Variants in C12orf54 observed in about 807,000 individuals in gnomAD.
C12orf54 encodes uncharacterized protein C12orf54.
A neutral mutation model predicts 26.4 loss-of-function variants in C12orf54; 24 were observed. The ratio of observed to expected loss-of-function variants is 0.91; its 90% CI spans 0.66 to 1.28. The LOEUF (loss-of-function observed/expected upper bound fraction) is 1.28. Ranked by LOEUF, C12orf54 falls within the 50% of genes most tolerant of loss-of-function variation. The pLI is 0.00. For synonymous variants in C12orf54, 54 were observed against 47.0 expected (o/e 1.15, Z -0.61); for missense variants, 154 against 150.9 (o/e 1.02, Z -0.11).
the C12orf54 span, among the ~76,000 whole-genome samples, chr12:48,447,847 A>G: frequency 6.6e-6 from 1 of 152,344 alleles, no homozygotes; most frequent in Non-Finnish European, 1.5e-5. Context: ...TTTTAAAAGC[A>G]GAAAACTTTC....
chr12:48,431,641 A>C, the C12orf54 span, among the ~76,000 whole-genome samples: 1 of 152,268 alleles, frequency 6.6e-6, no homozygotes, highest in South Asian at 2.1e-4. Context: ...TAAAATGTCA[A>C]AGATGAGTTT....
rs1937824890 is a variant in C12orf54, at chr12:48,492,991, AC to A, written c.239del (p.Thr80MetfsTer4). ...GACACCCATGACATCAGCACCCAGG[AC>A]TGGGTAAGTGTCCCTATTCTGACAA... is the stretch of plus-strand genomic sequence containing the variant. ...SMTPMTSAPR[T>X]GSIRPPDSLM... On this transcript the variant is annotated frameshift_variant, in exon 7 of 9. Coordinates refer to ENST00000548364, the MANE Select transcript of C12orf54 (RefSeq NM_152319.4). LOFTEE classifies it high-confidence loss of function. 2 of 1,613,594 alleles carry A rather than the reference AC, an allele frequency of 1.2e-6. No individual in the cohort carries two copies. The highest frequency in any genetic ancestry group is 2.7e-5 in the African/African-American group (2 of 74,916).
chr12:48,420,310 T>C, the C12orf54 span, among the ~76,000 whole-genome samples: 1 of 152,214 alleles, frequency 6.6e-6, no homozygotes, highest in Non-Finnish European at 1.5e-5. Context: ...TTTCCTTATA[T>C]GTATGGATGT....
chr12:48,488,367 G>A, intron 4 of C12orf54: 1 of 504,006 alleles, frequency 2.0e-6, no homozygotes, highest in East Asian at 4.7e-5. Context: ...GAAAGCCAAG[G>A]CTGGGGCTGG....
At chr12:48,473,076 C>A in the C12orf54 span, 1 of 1,614,080 alleles carries the variant, frequency 6.2e-7, no homozygotes. Flanking sequence ...GATGTTCAAG[C>A]TCCTCCTGCA....
the C12orf54 span, among the ~76,000 whole-genome samples, chr12:48,419,698 A>G: frequency 6.6e-6 from 1 of 152,168 alleles, no homozygotes; most frequent in South Asian, 2.1e-4. Context: ...GGATGAAAAG[A>G]AGTGATAAGT....
chr12:48,431,899 T>C, the C12orf54 span, among the ~76,000 whole-genome samples: 1 of 152,224 alleles, frequency 6.6e-6, no homozygotes, highest in Non-Finnish European at 1.5e-5. Context: ...TAGTGATGGG[T>C]GCAAAACTCT....
upstream of C12orf54, among the ~76,000 whole-genome samples, chr12:48,477,696 G>C (rs1954157729): frequency 6.6e-6 from 1 of 152,124 alleles, no homozygotes; most frequent in Non-Finnish European, 1.5e-5. Context: ...GACTAAACCA[G>C]GAAGAAGTTG....
At chr12:48,445,186 T>A in the C12orf54 span, among the ~76,000 whole-genome samples, 50,655 of 151,040 alleles carry the variant, frequency 0.34, 10,443 homozygotes, top group Middle Eastern at 0.48. Context: ...AAAAAAAAAA[T>A]TAATACATTG....
At chr12:48,434,441 T>C in the C12orf54 span, among the ~76,000 whole-genome samples, 7 of 152,290 alleles carry the variant, frequency 4.6e-5, no homozygotes, top group South Asian at 1.2e-3. Context: ...CATCTTGAGA[T>C]CTGAGAATGG....
chr12:48,446,795 C>T, the C12orf54 span, among the ~76,000 whole-genome samples: 1 of 152,140 alleles, frequency 6.6e-6, no homozygotes, highest in East Asian at 1.9e-4. Context: ...AATCTACCCA[C>T]ATATTTAACT....
chr12:48,469,483 G>A, the C12orf54 span, among the ~76,000 whole-genome samples: 1 of 152,082 alleles, frequency 6.6e-6, no homozygotes. Context: ...CTGTTATCCT[G>A]TTCTTTTAGG....
the C12orf54 span, among the ~76,000 whole-genome samples, chr12:48,459,332 G>A: frequency 1.3e-5 from 2 of 152,200 alleles, no homozygotes; most frequent in Admixed American, 1.3e-4. Flanking sequence ...AAAGGTAAGT[G>A]TAGCTAAATA....
the C12orf54 span, among the ~76,000 whole-genome samples, chr12:48,471,458 G>A: frequency 6.6e-6 from 1 of 151,926 alleles, no homozygotes; most frequent in Non-Finnish European, 1.5e-5. Context: ...ATATTTTCTA[G>A]GATTTTTATA....
the C12orf54 span, among the ~76,000 whole-genome samples, chr12:48,468,858 G>A: frequency 2.0e-5 from 3 of 152,034 alleles, no homozygotes; most frequent in African/African-American, 7.2e-5. Flanking sequence ...AAGAGAAAGA[G>A]TACAAAAGAA....
the C12orf54 span, among the ~76,000 whole-genome samples, chr12:48,475,851 A>C: frequency 6.6e-6 from 1 of 152,326 alleles, no homozygotes; most frequent in South Asian, 2.1e-4. Context: ...AACTTCCCCA[A>C]TCTAACAAGG....
chr12:48,478,392 G>T (rs995563463), upstream of C12orf54, among the ~76,000 whole-genome samples: 2 of 152,122 alleles, frequency 1.3e-5, no homozygotes, highest in Admixed American at 6.6e-5. Context: ...TGGAAGTTCT[G>T]GCCAGGGCAA....
the C12orf54 span, among the ~76,000 whole-genome samples, chr12:48,435,483 A>C: frequency 6.6e-6 from 1 of 152,230 alleles, no homozygotes. Flanking sequence ...GTGGAAATGA[A>C]GGAAAAAATG....
intron 1 of C12orf54, among the ~76,000 whole-genome samples, chr12:48,482,786 G>T (rs772144353): frequency 1.2e-4 from 18 of 147,154 alleles, no homozygotes; most frequent in Non-Finnish European, 2.7e-4. Flanking sequence ...AGTTAACCAT[G>T]AAAATTCTGA....
Sources: allele counts gnomAD v4.1 joint callset (sites outside exome capture counted in the v4.1 genomes callset), GRCh38; gene constraint gnomAD v4.1.1; transcripts MANE v1.5; gene names NCBI Gene and HGNC (gene_info 2026-07-23, HGNC 2026-07-21).